Variants in RNFT2 observed in about 807,000 individuals in gnomAD.
RNFT2 encodes the protein ring finger protein, transmembrane 2, also known as E3 ubiquitin-protein ligase RNFT2.
RNFT2 carries 36 observed loss-of-function variants against 53.0 expected under a neutral mutation model. The observed-to-expected ratio is 0.68, with a 90% confidence interval of 0.52 to 0.90. The LOEUF is 0.90. Among genes scored for constraint, RNFT2 ranks in the 40% least tolerant of loss-of-function variants. The pLI, the probability that RNFT2 is intolerant of heterozygous loss-of-function variation, is 0.00. For missense variants in RNFT2, 514 were observed against 585.6 expected, an observed-to-expected ratio of 0.88 and a Z score of 1.26; for synonymous variants, 260 against 253.2, an observed-to-expected ratio of 1.03 and a Z score of -0.26.
rs368488607 is a variant in RNFT2, at chr12:116,750,182, G to T, written c.425G>T (p.Gly142Val). Residue 142 changes from glycine (G) to valine (V), a missense_variant, in exon 4 of 11, where the codon GGC becomes GTC. Physicochemically the swap from Gly to Val is moderately radical, Grantham distance 109. Transcript: ENST00000257575. Reference sequence around the variant, plus strand: ...CACCGGGGGCACTCGGAGGAGGGAGGCGACGAGCAGCCTGGGACGCCCGCC... The same window carrying T: ...CACCGGGGGCACTCGGAGGAGGGAGTCGACGAGCAGCCTGGGACGCCCGCC... Reference protein sequence around the residue: ...GDHRGHSEEGGDEQPGTPAPA... With the variant: ...GDHRGHSEEGVDEQPGTPAPA... 30 of 1,597,832 alleles carry T rather than the reference G, an allele frequency of 1.9e-5. No individual in the cohort carries two copies. Among genetic ancestry groups the T allele is most frequent in the Non-Finnish European group, 2.5e-5 (29 of 1,176,614 alleles).
intron 5 of RNFT2, among the ~76,000 whole-genome samples, chr12:116,762,855 G>A (rs1396954657): frequency 3.3e-5 from 5 of 152,062 alleles, no homozygotes; most frequent in Admixed American, 1.3e-4. Context: ...CAGGTGATCC[G>A]ACCACCTCAG....
chr12:116,838,892 T>C (rs1188538489), intron 10 of RNFT2, among the ~76,000 whole-genome samples: 1 of 152,242 alleles, frequency 6.6e-6, no homozygotes, highest in Non-Finnish European at 1.5e-5. Flanking sequence ...GGTTGAAGAC[T>C]GTACATATGA....
chr12:116,777,132 G>T (rs187281277), intron 6 of RNFT2, among the ~76,000 whole-genome samples: 6 of 151,782 alleles, frequency 4.0e-5, no homozygotes, highest in Non-Finnish European at 8.8e-5. Flanking sequence ...TGGCCGGGCC[G>T]GTCTCAAACT....
chr12:116,794,646 A>AAG, intron 7 of RNFT2, among the ~76,000 whole-genome samples: 1 of 26,618 alleles, frequency 3.8e-5, no homozygotes, highest in South Asian at 1.9e-3. Context: ...AGGGGAGGGG[A>AAG]GAAGGAAGGA....
intron 7 of RNFT2, among the ~76,000 whole-genome samples, chr12:116,797,268 C>G (rs907646113): frequency 4.6e-5 from 7 of 152,112 alleles, no homozygotes; most frequent in Non-Finnish European, 8.8e-5. Flanking sequence ...GAAATAGGGT[C>G]TATAAAGATG....
chr12:116,802,431 T>A (rs1247550652), intron 7 of RNFT2, among the ~76,000 whole-genome samples: 2 of 152,196 alleles, frequency 1.3e-5, no homozygotes, highest in South Asian at 2.1e-4. Context: ...TGTCTGTGAC[T>A]TTCACTGTAC....
intron 3 of RNFT2, among the ~76,000 whole-genome samples, 200 bp downstream of exon 3, chr12:116,741,294 C>T (rs1465716796): frequency 6.6e-6 from 1 of 152,202 alleles, no homozygotes; most frequent in Non-Finnish European, 1.5e-5. Context: ...ATAGGTGAGC[C>T]ACCTGACTCA....
chr12:116,767,220 G>C (rs951571248), intron 6 of RNFT2, among the ~76,000 whole-genome samples: 5 of 152,012 alleles, frequency 3.3e-5, no homozygotes, highest in Non-Finnish European at 7.4e-5. Flanking sequence ...TGTTTTGTCT[G>C]TTTGTTTTGC....
intron 5 of RNFT2, among the ~76,000 whole-genome samples, chr12:116,766,542 T>C (rs1356639915): frequency 6.6e-6 from 1 of 152,238 alleles, no homozygotes; most frequent in Non-Finnish European, 1.5e-5. Flanking sequence ...TTTGAATGTG[T>C]GCCATGCTGC....
At chr12:116,738,487 C>T (rs1291502639) in intron 1 of RNFT2, 117 bp downstream of exon 1, 2 of 152,156 alleles carry the variant, frequency 1.3e-5, no homozygotes, top group East Asian at 3.9e-4. Flanking sequence ...GAAAAGCGCT[C>T]GCGACGTTGT....
chr12:116,853,022 T>C lies in RNFT2; in HGVS notation c.*3574T>C. 1 of 475,730 alleles carries C rather than the reference T, an allele frequency of 2.1e-6. No homozygotes were observed. 29.5% of individuals were successfully genotyped at this position (475,730 alleles called of 1,614,324 possible). On this transcript the variant is annotated 3_prime_UTR_variant, in exon 11 of 11. Transcript: ENST00000257575. Reference sequence around the variant, plus strand: ...ACAGGGGCAGATGGGATGGTTTAGTTTAGGATTTTATTAGTGCATGCCCTA... The same window carrying C: ...ACAGGGGCAGATGGGATGGTTTAGTCTAGGATTTTATTAGTGCATGCCCTA...
intron 4 of RNFT2, 80 bp from the exon 5 acceptor site, chr12:116,753,903 CT>C: frequency 7.5e-6 from 8 of 1,066,978 alleles, no homozygotes; most frequent in Admixed American, 1.8e-5. Context: ...AGGGATGTGC[CT>C]TTTCCCCCAT....
rs1440148887 is a variant in RNFT2 at position 116,833,843 on chromosome 12, G to A, written c.934G>A (p.Val312Ile). The change falls in exon 8 of 11, where the codon GTC becomes ATC. Residue 312 changes from valine to isoleucine, a missense_variant. This residue lies in a region of RNFT2 where 273 missense variants were observed against 334.4 expected (regional missense o/e 0.82). Coordinates refer to ENST00000257575, the MANE Select transcript of RNFT2 (RefSeq NM_001382266.1). ...EELSQLFRSLVPIQLWYKYIM... is the reference protein window; with the variant it reads ...EELSQLFRSLIPIQLWYKYIM... The stretch of plus-strand genomic sequence containing the variant: ...GCTGAGCCAGCTGTTCCGATCCCTT[G>A]TCCCCATCCAGCTGTGGTACAAATA... 1 of 1,613,276 alleles carries A rather than the reference G, an allele frequency of 6.2e-7. No individual in the cohort carries two copies. Among genetic ancestry groups the A allele is most frequent in the Non-Finnish European group, 8.5e-7 (1 of 1,179,596 alleles).
Position 116,755,455 on chromosome 12 carries a change from A to C in RNFT2, c.627+1395A>C, listed in dbSNP as rs1387663172. The C allele has an allele frequency of 3.4e-6, 4 of 1,191,194 alleles. No homozygotes were observed. In the African/African-American group the frequency reaches 6.0e-5, roughly 18 times the overall value. The allele number at this position is 1,191,194 out of a possible 1,614,324, so 73.8% of individuals were successfully genotyped here. A position where few individuals can be genotyped will look rare whatever the true frequency, so the allele number is the denominator to read the frequency against. ...CAGGCTCCTTCCCATTGGCTCTCAC[A>C]AAGTGTGCTTCTCTGGGTGGAGCAG... On this transcript the variant is annotated intron_variant, in intron 5 of 10. Transcript: ENST00000257575.
intron 6 of RNFT2, among the ~76,000 whole-genome samples, chr12:116,776,412 T>C (rs1873430293): frequency 6.6e-6 from 1 of 152,132 alleles, no homozygotes; most frequent in Non-Finnish European, 1.5e-5. Context: ...CCAACCAGCC[T>C]GGGATATCCC....
chr12:116,849,480 C>G lies in RNFT2; in HGVS notation c.*32C>G. The G allele has an allele frequency of 6.4e-7, 1 of 1,559,956 alleles. No homozygotes were observed. Among genetic ancestry groups the G allele is most frequent in the Non-Finnish European group, 8.7e-7 (1 of 1,150,492 alleles). Reference sequence around the variant, plus strand: ...ACACTGAGGACACCCAGAAGGACGCCAAGGGTCAGCATGCCCGGACCCAGC... The same window carrying G: ...ACACTGAGGACACCCAGAAGGACGCGAAGGGTCAGCATGCCCGGACCCAGC... On this transcript the variant is annotated 3_prime_UTR_variant, in exon 11 of 11. Transcript: ENST00000257575.
chr12:116,771,328 C>T (rs1049047722), intron 6 of RNFT2, among the ~76,000 whole-genome samples: 3 of 151,472 alleles, frequency 2.0e-5, no homozygotes, highest in Non-Finnish European at 2.9e-5. Context: ...GGCATGGTGG[C>T]GTGCACCTAT....
At chr12:116,819,156 T>C (rs1875851661) in intron 7 of RNFT2, among the ~76,000 whole-genome samples, 1 of 152,122 alleles carries the variant, frequency 6.6e-6, no homozygotes, top group African/African-American at 2.4e-5. Flanking sequence ...TGACTTCAAG[T>C]TTAGGGGAGC....
intron 7 of RNFT2, 73 bp downstream of exon 7, chr12:116,779,421 G>A: frequency 6.5e-7 from 1 of 1,535,290 alleles, no homozygotes; most frequent in Non-Finnish European, 8.9e-7. Flanking sequence ...TGCCTTCTGA[G>A]GAGGAAAGAA....
Sources: gnomAD v4.1 joint callset for allele counts (sites outside exome capture counted in the v4.1 genomes callset) on GRCh38, gnomAD v4.1.1 for gene constraint, gnomAD v4.1.1 regional missense constraint, MANE v1.5 for transcripts, NCBI Gene and HGNC (gene_info 2026-07-23, HGNC 2026-07-21) for gene names.